The following AXDND1 variants were observed in gnomAD, a reference collection of about 807,000 sequenced individuals.
The protein encoded by AXDND1 is axonemal dynein light chain domain-containing protein 1.
In AXDND1, 110 loss-of-function variants were observed where a neutral mutation model predicts 137.5. The ratio of observed to expected loss-of-function variants is 0.80; its 90% CI spans 0.69 to 0.94. The LOEUF (loss-of-function observed/expected upper bound fraction) is 0.94, where lower values mean the gene tolerates loss of function less well. Ranked by LOEUF, AXDND1 falls within the 40% of genes least tolerant of loss-of-function variation. The pLI, the probability that AXDND1 is intolerant of heterozygous loss-of-function variation, is 0.00. For missense variants in AXDND1, 1,191 were observed against 1,169.8 expected (o/e 1.02, Z -0.26); for synonymous variants, 414 against 399.7 (o/e 1.04, Z -0.43).
intron 16 of AXDND1, chr1:179,448,952 T>C (rs1489051933): frequency 3.5e-6 from 1 of 285,170 alleles, no homozygotes; most frequent in Non-Finnish European, 7.0e-6. Context: ...AGTGGCATGA[T>C]CTTGTCTCAT....
intron 21 of AXDND1, among the ~76,000 whole-genome samples, chr1:179,520,730 C>A (rs1442220527): frequency 6.6e-6 from 1 of 151,386 alleles, no homozygotes; most frequent in African/African-American, 2.4e-5. Flanking sequence ...TACTTTTATG[C>A]CTTTAAATCA....
chr1:179,452,920 G>C (rs1362729318), intron 16 of AXDND1: 1 of 152,076 alleles, frequency 6.6e-6, no homozygotes, highest in African/African-American at 2.4e-5. Context: ...CTGGGTCCAG[G>C]GTCCCCATGC....
chr1:179,496,997 A>AT (rs1403652404), intron 20 of AXDND1, among the ~76,000 whole-genome samples: 2 of 152,014 alleles, frequency 1.3e-5, no homozygotes, highest in African/African-American at 4.8e-5. Context: ...ATATTTGAGT[A>AT]TTTTCCAGAG....
intron 25 of AXDND1, chr1:179,551,149 C>A: frequency 1.2e-6 from 2 of 1,613,214 alleles, no homozygotes; most frequent in Non-Finnish European, 1.7e-6. Flanking sequence ...GGCCCCTTTA[C>A]AGTCACATTA....
intron 12 of AXDND1, among the ~76,000 whole-genome samples, chr1:179,417,191 C>CT (rs141201555): frequency 0.49 from 69,947 of 143,442 alleles, 17,136 homozygotes; most frequent in East Asian, 0.75. Context: ...ACTATCTCCT[C>CT]TTTTTTTTTT....
At chr1:179,386,891 A>C (rs1304157368) in intron 9 of AXDND1, among the ~76,000 whole-genome samples, 1 of 151,400 alleles carries the variant, frequency 6.6e-6, no homozygotes, top group South Asian at 2.1e-4. Context: ...CACCCAGCTA[A>C]TTTTTTTGTA....
chr1:179,502,409 A>G (rs1201950123), intron 20 of AXDND1, among the ~76,000 whole-genome samples: 3 of 152,146 alleles, frequency 2.0e-5, no homozygotes, highest in Admixed American at 2.0e-4. Flanking sequence ...TGCTAAAAAT[A>G]CAAAATTAGC....
At chr1:179,468,117 T>C (rs1663454349) in intron 16 of AXDND1, among the ~76,000 whole-genome samples, 1 of 151,376 alleles carries the variant, frequency 6.6e-6, no homozygotes, top group South Asian at 2.1e-4. Flanking sequence ...AATGATGTAG[T>C]GAATTAAGGT....
chr1:179,539,100 G>A (rs982604500), intron 25 of AXDND1, among the ~76,000 whole-genome samples: 1 of 152,094 alleles, frequency 6.6e-6, no homozygotes, highest in Non-Finnish European at 1.5e-5. Context: ...CAGGAGATGG[G>A]TCTCCTGAAT....
Position 179,406,261 on chromosome 1 carries a change from A to T in AXDND1, c.1110-4885A>T, listed in dbSNP as rs1466571958. Among the ~76,000 whole-genome samples the T allele has an allele frequency of 5.9e-5, 9 of 152,146 alleles. No individual in the cohort carries two copies. The East Asian group carries it at 1.7e-3, about 29-fold the overall frequency. Reference sequence around the variant, plus strand: ...AATTTTTAAATATGTATTGAGACTTATTTTGTGGCCTAATATATGGTCACT... The same window carrying T: ...AATTTTTAAATATGTATTGAGACTTTTTTTGTGGCCTAATATATGGTCACT... On this transcript the variant is annotated intron_variant, in intron 11 of 25. Coordinates refer to ENST00000367618, the MANE Select transcript of AXDND1 (RefSeq NM_144696.6).
chr1:179,390,138 C>T (rs144937388), intron 9 of AXDND1, among the ~76,000 whole-genome samples: 1 of 152,138 alleles, frequency 6.6e-6, no homozygotes. Flanking sequence ...CTCAGCCACC[C>T]AAGTAGCTGG....
At chr1:179,507,122 A>G (rs1435866912) in intron 20 of AXDND1, among the ~76,000 whole-genome samples, 9 of 152,190 alleles carry the variant, frequency 5.9e-5, no homozygotes, top group Non-Finnish European at 1.3e-4. Flanking sequence ...CACTCCAAAC[A>G]TGAATTTTAG....
intron 25 of AXDND1, chr1:179,550,857 A>G (rs1234213370): frequency 2.5e-6 from 1 of 397,328 alleles, no homozygotes; most frequent in Admixed American, 3.6e-5. Context: ...AGTGAAAGGG[A>G]CATCTGAACC....
At chr1:179,478,961 GT>G (rs1459864826) in intron 17 of AXDND1, among the ~76,000 whole-genome samples, 2 of 151,938 alleles carry the variant, frequency 1.3e-5, no homozygotes, top group Non-Finnish European at 2.9e-5. Flanking sequence ...TTAGCTGGGT[GT>G]GGTGGCACAT....
At position 179,525,384 on chromosome 1, in the gene AXDND1, A is replaced by C; in HGVS notation, c.2547A>C (p.Glu849Asp). ...IEPEIDESFK[E>D]DEEESKEDRK... ...CTGAAATAGACGAGTCTTTTAAAGA[A>C]GATGAAGAAGAAAGTAAGGAGGATA... The change falls in exon 22 of 26, where the codon GAA (glutamate) becomes GAC (aspartate). Residue 849 changes from glutamate to aspartate, a missense_variant. Physicochemically the swap from Glu to Asp is conservative, Grantham distance 45 (BLOSUM62 2). Transcript: ENST00000367618. The C allele has an allele frequency of 6.2e-7, 1 of 1,612,554 alleles. No homozygotes were observed. Among genetic ancestry groups the C allele is most frequent in the Non-Finnish European group, 8.5e-7 (1 of 1,179,016 alleles).
chr1:179,452,867 A>G (rs1041951716), intron 16 of AXDND1: 1 of 151,580 alleles, frequency 6.6e-6, no homozygotes, highest in African/African-American at 2.4e-5. Flanking sequence ...GCCCCTTCCC[A>G]TCATAAGCCT....
chr1:179,385,379 TG>T lies in AXDND1; in HGVS notation c.863+22del. The T allele has an allele frequency of 6.2e-7, 1 of 1,613,516 alleles. No homozygotes were observed. The highest frequency in any genetic ancestry group is 1.1e-5 in the South Asian group (1 of 90,972). On this transcript the variant is annotated intron_variant, in intron 9 of 25. Transcript: ENST00000367618. The stretch of plus-strand genomic sequence containing the variant: ...AGTCAGGTTAGTGCTGTTATTGGAA[TG>T]GTCCAGTTTCCTTTTGATTTTTATA...
chr1:179,528,151 A>G (rs1308764818), intron 22 of AXDND1, among the ~76,000 whole-genome samples, 176 bp from the exon 23 acceptor site: 1 of 152,024 alleles, frequency 6.6e-6, no homozygotes, highest in African/African-American at 2.4e-5. Context: ...TCCCCATCCT[A>G]CCAGTTTTTC....
At chr1:179,478,783 T>G (rs1664952234) in intron 17 of AXDND1, among the ~76,000 whole-genome samples, 1 of 152,234 alleles carries the variant, frequency 6.6e-6, no homozygotes, top group African/African-American at 2.4e-5. Flanking sequence ...TTTCTGAACT[T>G]TTATGCTCTG....
Sources: gnomAD v4.1 joint callset for allele counts (sites outside exome capture counted in the v4.1 genomes callset) on GRCh38, gnomAD v4.1.1 for gene constraint, MANE v1.5 for transcripts, NCBI Gene and HGNC (gene_info 2026-07-23, HGNC 2026-07-21) for gene names.